Variants in SHLD2 observed in about 807,000 individuals in gnomAD.
SHLD2 encodes shieldin complex subunit 2.
SHLD2 carries 30 observed loss-of-function variants against 73.2 expected under a neutral mutation model. That is an observed-to-expected ratio of 0.41 (90% confidence interval 0.31 to 0.56). SHLD2 has a LOEUF of 0.56. SHLD2 is among the 20% of genes least tolerant of loss of function. The pLI, the probability that SHLD2 is intolerant of heterozygous loss-of-function variation, is 0.28. For synonymous variants in SHLD2, 285 were observed against 370.1 expected, an observed-to-expected ratio of 0.77 and a Z score of 2.64; for missense variants, 745 against 1,055.9, an observed-to-expected ratio of 0.71 and a Z score of 4.08.
intron 4 of SHLD2, among the ~76,000 whole-genome samples, chr10:87,162,936 A>G (rs767509699): frequency 7.9e-5 from 12 of 152,292 alleles, no homozygotes; most frequent in Non-Finnish European, 1.2e-4. Context: ...ACAAAATTAC[A>G]TATGTACTTA....
At chr10:87,129,179 C>T (rs1844254406) in intron 2 of SHLD2, among the ~76,000 whole-genome samples, 1 of 152,178 alleles carries the variant, frequency 6.6e-6, no homozygotes, top group Admixed American at 6.5e-5. Flanking sequence ...CAACCTCCGC[C>T]TACTGGGTTC....
chr10:87,102,836 A>G (rs1160476119), intron 2 of SHLD2, among the ~76,000 whole-genome samples: 5 of 152,162 alleles, frequency 3.3e-5, no homozygotes, highest in African/African-American at 1.2e-4. Flanking sequence ...TAGACATGAG[A>G]CACCACAAAT....
intron 8 of SHLD2, among the ~76,000 whole-genome samples, chr10:87,186,233 A>AG (rs1412717357): frequency 1.3e-5 from 2 of 152,164 alleles, no homozygotes; most frequent in Non-Finnish European, 2.9e-5. Context: ...GTGGGTTTTT[A>AG]GGGGGAAAAT....
chr10:87,112,517 C>G (rs891471704), intron 2 of SHLD2, among the ~76,000 whole-genome samples: 1 of 151,798 alleles, frequency 6.6e-6, no homozygotes, highest in African/African-American at 2.4e-5. Context: ...GCCTGTAGTT[C>G]CAGCTAGTCG....
intron 8 of SHLD2, among the ~76,000 whole-genome samples, chr10:87,182,210 G>T (rs940954717): frequency 2.6e-5 from 4 of 152,132 alleles, no homozygotes. Flanking sequence ...CTGAATAAGA[G>T]AAAACTCTCA....
chr10:87,153,762 G>A (rs1469478086), intron 3 of SHLD2, among the ~76,000 whole-genome samples: 2 of 152,296 alleles, frequency 1.3e-5, no homozygotes, highest in East Asian at 3.9e-4. Context: ...TTCAGTTGAG[G>A]AAGCTGAAGC....
At chr10:87,180,391 A>G in intron 8 of SHLD2, 88 bp downstream of exon 8, 23 of 1,504,026 alleles carry the variant, frequency 1.5e-5, no homozygotes, top group Non-Finnish European at 2.1e-5. Context: ...TTCTAAAAAT[A>G]ATTAACTAGA....
intron 9 of SHLD2, among the ~76,000 whole-genome samples, chr10:87,188,167 T>C (rs1401526571): frequency 3.3e-5 from 5 of 152,294 alleles, no homozygotes; most frequent in Admixed American, 1.3e-4. Flanking sequence ...GCCCCAGTCT[T>C]ATACAGGATG....
At chr10:87,100,161 T>C (rs1193460564) in intron 2 of SHLD2, among the ~76,000 whole-genome samples, 2 of 152,238 alleles carry the variant, frequency 1.3e-5, no homozygotes, top group South Asian at 2.1e-4. Flanking sequence ...TTTGGTATCA[T>C]ATGTAAGAAA....
At chr10:87,163,516 C>T (rs1846970839) in intron 4 of SHLD2, among the ~76,000 whole-genome samples, 1 of 151,852 alleles carries the variant, frequency 6.6e-6, no homozygotes, top group Admixed American at 6.6e-5. Context: ...ACCTAAGTAG[C>T]TGTGGAAAAG....
At chr10:87,112,113 C>T (rs1332073646) in intron 2 of SHLD2, among the ~76,000 whole-genome samples, 1 of 151,400 alleles carries the variant, frequency 6.6e-6, no homozygotes, top group African/African-American at 2.4e-5. Flanking sequence ...TGGCGGGTGC[C>T]TGTAGTCCCA....
At position 87,173,289 on chromosome 10, in the gene SHLD2, A is replaced by G. The variant is rs545990244; in HGVS notation, c.1963+2315A>G. Among the ~76,000 whole-genome samples the G allele has an allele frequency of 3.5e-3, 534 of 152,164 alleles. 4 individuals are homozygous for G. The highest frequency in any genetic ancestry group is 0.012 in the African/African-American group (500 of 41,518). On this transcript the variant is annotated intron_variant, in intron 6 of 9. Coordinates refer to ENST00000298786, the MANE Select transcript of SHLD2 (RefSeq NM_001330112.2). ...GTGATTCACCCGCCTCAGCCTCCCA[A>G]AGTGCTGGGATTATAGGCATGAGCC...
In SHLD2 at chr10:87,151,879, A is replaced by C; in HGVS notation, c.525A>C (p.Ala175=). 1 of 1,611,540 alleles carries C rather than the reference A, an allele frequency of 6.2e-7. No individual in the cohort carries two copies. The highest frequency in any genetic ancestry group is 8.5e-7 in the Non-Finnish European group (1 of 1,179,554). Residue 175 remains alanine (A), a synonymous_variant, in exon 3 of 10, where the codon GCA becomes GCC. Coordinates refer to ENST00000298786, the MANE Select transcript of SHLD2 (RefSeq NM_001330112.2). ...TGTTTCAGTTGGGCCATAAATGTGCAGCTGTGTTGGATTTGGTTTGTAGTA... is the reference window on the plus strand; with the variant it reads ...TGTTTCAGTTGGGCCATAAATGTGCCGCTGTGTTGGATTTGGTTTGTAGTA... ...TNLFQLGHKC[A]AVLDLVCSTE...
chr10:87,153,696 A>C (rs1444557489), intron 3 of SHLD2, among the ~76,000 whole-genome samples: 1 of 152,040 alleles, frequency 6.6e-6, no homozygotes, highest in African/African-American at 2.4e-5. Flanking sequence ...TAGATTTTAC[A>C]TGCATATTTC....
intron 2 of SHLD2, among the ~76,000 whole-genome samples, chr10:87,129,037 C>G (rs1353365772): frequency 6.6e-6 from 1 of 151,958 alleles, no homozygotes; most frequent in Non-Finnish European, 1.5e-5. Flanking sequence ...TACCCAGTAG[C>G]TGGAATTACA....
At chr10:87,177,628 G>T (rs76563459) in intron 7 of SHLD2, among the ~76,000 whole-genome samples, 1 of 151,990 alleles carries the variant, frequency 6.6e-6, no homozygotes, top group Admixed American at 6.5e-5. Context: ...AAAACACAAG[G>T]AACTTTTCCC....
chr10:87,176,735 T>C (rs1301238998), intron 7 of SHLD2, among the ~76,000 whole-genome samples: 2 of 152,314 alleles, frequency 1.3e-5, no homozygotes, highest in East Asian at 3.9e-4. Flanking sequence ...CAATATATGA[T>C]TGAAGGTTAG....
At chr10:87,143,398 C>G (rs1845348359) in intron 2 of SHLD2, among the ~76,000 whole-genome samples, 1 of 152,114 alleles carries the variant, frequency 6.6e-6, no homozygotes, top group Non-Finnish European at 1.5e-5. Flanking sequence ...AACTCTTATC[C>G]CATTGTCTCA....
At chr10:87,178,405 G>A (rs1410719480) in intron 7 of SHLD2, among the ~76,000 whole-genome samples, 4 of 151,536 alleles carry the variant, frequency 2.6e-5, no homozygotes, top group Non-Finnish European at 4.4e-5. Flanking sequence ...AATAAAAATC[G>A]AAATTTTTTT....
Sources: gnomAD v4.1 joint callset for allele counts (sites outside exome capture counted in the v4.1 genomes callset) on GRCh38, gnomAD v4.1.1 for gene constraint, MANE v1.5 for transcripts, NCBI Gene and HGNC (gene_info 2026-07-23, HGNC 2026-07-21) for gene names.